Variants in ADCY2 observed in about 807,000 individuals in gnomAD.
ADCY2 encodes adenylate cyclase type 2.
ADCY2 carries 31 observed loss-of-function variants against 125.2 expected under a neutral mutation model. That is an observed-to-expected ratio of 0.25 (90% confidence interval 0.19 to 0.33). The LOEUF (loss-of-function observed/expected upper bound fraction) is 0.33. Ranked by LOEUF, ADCY2 falls within the 10% of genes least tolerant of loss-of-function variation. The probability of loss-of-function intolerance (pLI) is 1.00; values close to 1 mark genes in which losing one functional copy is unlikely to be tolerated. For missense variants in ADCY2, 904 were observed against 1,418.2 expected (o/e 0.64, Z 5.82); for synonymous variants, 512 against 548.4 (o/e 0.93, Z 0.93).
Position 7,597,967 on chromosome 5 carries a change from G to C in ADCY2, c.571-28200G>C, listed in dbSNP as rs545600903. Reference sequence around the variant, plus strand: ...CTGAAGGAGCTTTCCTCTCCAGTGGGCAATCCAGCCCCCAGCCAGGCCCTG... The same window carrying C: ...CTGAAGGAGCTTTCCTCTCCAGTGGCCAATCCAGCCCCCAGCCAGGCCCTG... On this transcript the variant is annotated intron_variant, in intron 3 of 24. Coordinates refer to ENST00000338316, the MANE Select transcript of ADCY2 (RefSeq NM_020546.3). Among the ~76,000 whole-genome samples, 3 of 152,254 alleles carry C rather than the reference G, an allele frequency of 2.0e-5. No individual in the cohort carries two copies. In the South Asian group the frequency reaches 6.2e-4, roughly 32 times the overall value.
chr5:7,413,866 G>C (rs1350091823), intron 1 of ADCY2, among the ~76,000 whole-genome samples: 1 of 152,152 alleles, frequency 6.6e-6, no homozygotes, highest in East Asian at 1.9e-4. Context: ...AAAAAAAATT[G>C]TGTGTCAAAA....
chr5:7,641,346 A>G (rs938135067), intron 4 of ADCY2, among the ~76,000 whole-genome samples: 1 of 152,206 alleles, frequency 6.6e-6, no homozygotes, highest in African/African-American at 2.4e-5. Context: ...GTAAAAATGC[A>G]GATCAAAAAC....
chr5:7,522,010 A>G (rs190308035), intron 3 of ADCY2, among the ~76,000 whole-genome samples: 377 of 152,316 alleles, frequency 2.5e-3, no homozygotes, highest in Non-Finnish European at 4.0e-3. Flanking sequence ...CAGGAAGAGG[A>G]GGAAGGCCAT....
chr5:7,403,101 C>A (rs1387014055), intron 1 of ADCY2, among the ~76,000 whole-genome samples: 1 of 152,018 alleles, frequency 6.6e-6, no homozygotes, highest in East Asian at 1.9e-4. Context: ...TTACTCCCAA[C>A]ACTGAATTAT....
intron 2 of ADCY2, among the ~76,000 whole-genome samples, chr5:7,507,127 A>G (rs937211411): frequency 6.6e-6 from 1 of 151,490 alleles, no homozygotes; most frequent in African/African-American, 2.4e-5. Flanking sequence ...GCACATCGAA[A>G]GGGAGCCAGG....
At chr5:7,531,383 C>A (rs1316918094) in intron 3 of ADCY2, among the ~76,000 whole-genome samples, 1 of 152,312 alleles carries the variant, frequency 6.6e-6, no homozygotes, top group Non-Finnish European at 1.5e-5. Flanking sequence ...ACTTCTACAG[C>A]TCCATGTCTT....
intron 4 of ADCY2, among the ~76,000 whole-genome samples, chr5:7,641,965 G>C (rs1274428923): frequency 1.3e-5 from 2 of 152,162 alleles, no homozygotes; most frequent in Non-Finnish European, 2.9e-5. Flanking sequence ...TTGTGACTGT[G>C]AATAGTGCTG....
At position 7,470,399 on chromosome 5, in the gene ADCY2, AT is replaced by A. The variant is rs550591457; in HGVS notation, c.409-50334del. Reference sequence around the variant, plus strand: ...CATTTTGTTTAGCTCTTTTAGAATTATTTTTATTCCTTTTTTCATAGATGGC... The same window carrying A: ...CATTTTGTTTAGCTCTTTTAGAATTATTTTATTCCTTTTTTCATAGATGGC... On this transcript the variant is annotated intron_variant, in intron 2 of 24. Transcript: ENST00000338316. Among the ~76,000 whole-genome samples, 856 of 151,408 alleles carry A rather than the reference AT, an allele frequency of 5.7e-3. 5 individuals carry two copies. The highest frequency in any genetic ancestry group is 0.01 in the Middle Eastern group (3 of 294).
At chr5:7,514,888 C>T (rs1176105450) in intron 2 of ADCY2, among the ~76,000 whole-genome samples, 1 of 152,212 alleles carries the variant, frequency 6.6e-6, no homozygotes, top group Non-Finnish European at 1.5e-5. Context: ...ACCCTGCTGA[C>T]ACCTTGATTT....
intron 2 of ADCY2, among the ~76,000 whole-genome samples, chr5:7,431,666 C>G (rs986229608): frequency 7.2e-5 from 11 of 151,928 alleles, no homozygotes; most frequent in African/African-American, 2.4e-4. Context: ...AAAATAGTTG[C>G]AAATCATTAT....
rs963183235 is a variant in ADCY2 at position 7,669,637 on chromosome 5, AGG to A, written c.721-21053_721-21052del. Among the ~76,000 whole-genome samples, 31 of 152,334 alleles carry A rather than the reference AGG, an allele frequency of 2.0e-4. 1 individual carries two copies. Among genetic ancestry groups the A allele is most frequent in the Admixed American group, 2.0e-3 (30 of 15,302 alleles). On this transcript the variant is annotated intron_variant, in intron 4 of 24. Transcript: ENST00000338316. ...AATGTCAGCGCATTTCATGTAAAAA[AGG>A]TAAGTTTTTGTGGGGGGAACCAGTT...
At chr5:7,674,210 C>T (rs2126707635) in intron 4 of ADCY2, among the ~76,000 whole-genome samples, 1 of 152,256 alleles carries the variant, frequency 6.6e-6, no homozygotes, top group East Asian at 1.9e-4. Context: ...CATTTGGGAG[C>T]CAGTAGGAGC....
chr5:7,499,257 C>T (rs1236634142), intron 2 of ADCY2, among the ~76,000 whole-genome samples: 4 of 152,090 alleles, frequency 2.6e-5, no homozygotes, highest in Non-Finnish European at 4.4e-5. Context: ...CCACCCATCT[C>T]GGCCTCCCAA....
intron 1 of ADCY2, among the ~76,000 whole-genome samples, chr5:7,400,342 G>A (rs763196844): frequency 6.6e-6 from 1 of 152,086 alleles, no homozygotes; most frequent in Non-Finnish European, 1.5e-5. Context: ...TTCTTTTATG[G>A]TGATGTAATG....
chr5:7,397,868 T>C (rs1251891967), intron 1 of ADCY2, among the ~76,000 whole-genome samples: 1 of 152,164 alleles, frequency 6.6e-6, no homozygotes, highest in Non-Finnish European at 1.5e-5. Context: ...CCCTGTAGTC[T>C]AGATAGGAGT....
At chr5:7,590,723 A>T (rs920902942) in intron 3 of ADCY2, among the ~76,000 whole-genome samples, 2 of 152,218 alleles carry the variant, frequency 1.3e-5, no homozygotes, top group African/African-American at 2.4e-5. Context: ...AGTAATGAAC[A>T]TTATGGTGTG....
At position 7,396,376 on chromosome 5, in the gene ADCY2, C is replaced by A. The variant is rs758658597; in HGVS notation, c.80C>A (p.Pro27Gln). ...GCGGCGGGCGGCGGAGACGGGCTGC[C>A]GCGGTCCCGGGACTGGCTCTACGAG... ...EEAAGGGDGL[P>Q]RSRDWLYESY... Residue 27 changes from proline to glutamine, a missense_variant, in exon 1 of 25, where the codon CCG becomes CAG. Coordinates refer to ENST00000338316, the MANE Select transcript of ADCY2 (RefSeq NM_020546.3). The surrounding 1 kb of genome is among the most constrained non-coding windows in gnomAD (Gnocchi z 5.7). The A allele has an allele frequency of 3.2e-6, 5 of 1,558,426 alleles. No homozygotes were observed. The highest frequency in any genetic ancestry group is 4.3e-6 in the Non-Finnish European group (5 of 1,153,592).
At chr5:7,607,361 A>G (rs866761020) in intron 3 of ADCY2, among the ~76,000 whole-genome samples, 5 of 152,230 alleles carry the variant, frequency 3.3e-5, no homozygotes, top group Admixed American at 1.3e-4. Flanking sequence ...ACGTTTAGTC[A>G]TCTGCTTCTT....
chr5:7,527,003 A>G (rs1298705289), intron 3 of ADCY2, among the ~76,000 whole-genome samples: 1 of 152,234 alleles, frequency 6.6e-6, no homozygotes, highest in Non-Finnish European at 1.5e-5. Flanking sequence ...TACTTATATC[A>G]TAGGATAACA....
Sources: allele counts gnomAD v4.1 joint callset (sites outside exome capture counted in the v4.1 genomes callset), GRCh38; gene constraint gnomAD v4.1.1; non-coding constraint Gnocchi (gnomAD v3.1); transcripts MANE v1.5; gene names NCBI Gene and HGNC (gene_info 2026-07-23, HGNC 2026-07-21).